The following IPPK variants were observed in gnomAD, a reference collection of about 807,000 sequenced individuals.
IPPK encodes inositol-pentakisphosphate 2-kinase, also known as IPK1 homolog.
In IPPK, 22 loss-of-function variants were observed where a neutral mutation model predicts 64.6. The observed-to-expected ratio is 0.34, with a 90% confidence interval of 0.24 to 0.49. The LOEUF is 0.49. Among genes scored for constraint, IPPK ranks in the 20% least tolerant of loss-of-function variants. The probability of loss-of-function intolerance (pLI) is 0.99; values close to 1 mark genes in which losing one functional copy is unlikely to be tolerated. For synonymous variants in IPPK, 262 were observed against 247.2 expected, an observed-to-expected ratio of 1.06 and a Z score of -0.56; for missense variants, 532 against 630.7, an observed-to-expected ratio of 0.84 and a Z score of 1.68.
rs1207504515 is a variant in IPPK at position 92,617,957 on chromosome 9, AATCT to A, written c.1250+1525_1250+1528del. 6.4e-5 allele frequency: 20 copies of A among 312,044 alleles called. No homozygotes were observed. The East Asian group carries it at 1.6e-3, about 25-fold the overall frequency. 19.3% of individuals were successfully genotyped at this position (312,044 alleles called of 1,614,324 possible). ...GGGTGTAAGAAGTTTAAATGTGGTC[AATCT>A]ATCTGTGAGCTGCAAATTAGTCTAG... On this transcript the variant is annotated intron_variant, in intron 12 of 12. Transcript: ENST00000287996.
chr9:92,618,490 A>G (rs753037112), intron 12 of IPPK: 3 of 456,554 alleles, frequency 6.6e-6, no homozygotes, highest in African/African-American at 4.0e-5. Flanking sequence ...GGCACCCTGC[A>G]TCCAAGCACA....
At chr9:92,620,398 C>T (rs1190674949) in intron 11 of IPPK, 1 of 152,288 alleles carries the variant, frequency 6.6e-6, no homozygotes, top group Admixed American at 6.5e-5. Flanking sequence ...ACAATGCTCA[C>T]AACTGTCTCC....
chr9:92,635,993 GGACCT>G lies in IPPK; in HGVS notation c.917-690_917-686del, dbSNP rs765364548. On this transcript the variant is annotated intron_variant, in intron 9 of 12. Transcript: ENST00000287996. This position sits in a 1 kb window ranked among gnomAD's most constrained non-coding sequence, Gnocchi z 4.4. Reference sequence around the variant, plus strand: ...AGACAGGGGTCAAAGCCACTGACAAGGACCTGTTATATCATAGGGACAGAGGCAGA... The same window carrying G: ...AGACAGGGGTCAAAGCCACTGACAAGGTTATATCATAGGGACAGAGGCAGA... Among the ~76,000 whole-genome samples, 9 of 152,244 alleles carry G rather than the reference GGACCT, an allele frequency of 5.9e-5. No individual in the cohort carries two copies. The highest frequency in any genetic ancestry group is 1.3e-4 in the Non-Finnish European group (9 of 68,020).
At chr9:92,636,336 A>C (rs546810257) in intron 9 of IPPK, among the ~76,000 whole-genome samples, 1 of 152,344 alleles carries the variant, frequency 6.6e-6, no homozygotes, top group South Asian at 2.1e-4. Context: ...TGGTCAATAA[A>C]GAACAAAATG....
intron 3 of IPPK, among the ~76,000 whole-genome samples, 165 bp downstream of exon 3, chr9:92,656,291 C>T (rs963557293): frequency 6.6e-6 from 1 of 152,204 alleles, no homozygotes; most frequent in Non-Finnish European, 1.5e-5. Context: ...GAAAGAGAAA[C>T]TGCAGTATCC....
At chr9:92,640,434 C>T (rs538558505) in intron 8 of IPPK, among the ~76,000 whole-genome samples, 1 of 152,260 alleles carries the variant, frequency 6.6e-6, no homozygotes, top group African/African-American at 2.4e-5. Context: ...CACCCAGCAA[C>T]TGGTGGGGCT....
chr9:92,632,950 C>G (rs947435247), intron 11 of IPPK, among the ~76,000 whole-genome samples: 1 of 152,154 alleles, frequency 6.6e-6, no homozygotes, highest in Non-Finnish European at 1.5e-5. Flanking sequence ...TTCCTCACTG[C>G]TTATTGTCCT....
At chr9:92,619,672 A>G (rs1851562264) in intron 11 of IPPK, 107 bp from the exon 12 acceptor site, 2 of 1,018,054 alleles carry the variant, frequency 2.0e-6, no homozygotes, top group Non-Finnish European at 3.0e-6. Flanking sequence ...CTGCCTCAGA[A>G]CCTGAGGGTG....
At position 92,648,109 on chromosome 9, in the gene IPPK, G is replaced by A. The variant is rs1852185944; in HGVS notation, c.454C>T (p.His152Tyr). ...CGACAGACCTTATGCTTCATCTCAT[G>A]CGTGACATCACTCGAGAAAGGAATA... ...GFIPFSSDVTHEMKHKVCRYC... is the reference protein window; with the variant it reads ...GFIPFSSDVTYEMKHKVCRYC... Residue 152 changes from histidine (H) to tyrosine (Y), a missense_variant, in exon 6 of 13, where the codon CAT (histidine) becomes TAT (tyrosine). By Grantham distance (83) the His-to-Tyr change is moderately conservative. Transcript: ENST00000287996. 2.5e-6 allele frequency: 4 copies of A among 1,613,750 alleles called. No homozygotes were observed. The highest frequency in any genetic ancestry group is 3.4e-6 in the Non-Finnish European group (4 of 1,179,820).
At chr9:92,658,492 G>C (rs1852417896) in intron 2 of IPPK, 142 bp downstream of exon 2, 1 of 738,448 alleles carries the variant, frequency 1.4e-6, no homozygotes, top group African/African-American at 1.7e-5. Flanking sequence ...TATCAGGAAT[G>C]ATGGACACAC....
chr9:92,645,867 G>T (rs1341568425), intron 6 of IPPK, among the ~76,000 whole-genome samples: 1 of 151,928 alleles, frequency 6.6e-6, no homozygotes, highest in African/African-American at 2.4e-5. Flanking sequence ...ACTAAAGGGA[G>T]TCCTTTTGGC....
At chr9:92,656,328 T>A (rs1246912306) in intron 3 of IPPK, 128 bp downstream of exon 3, 2 of 656,012 alleles carry the variant, frequency 3.0e-6, no homozygotes, top group Non-Finnish European at 5.6e-6. Context: ...GCACAGCAAA[T>A]GAGAAACACT....
intron 6 of IPPK, among the ~76,000 whole-genome samples, chr9:92,647,847 C>A (rs1358396570): frequency 6.6e-6 from 1 of 152,150 alleles, no homozygotes; most frequent in Non-Finnish European, 1.5e-5. Flanking sequence ...AGTATGATTG[C>A]ATCACTGCAC....
At chr9:92,620,802 C>T (rs1003222364) in intron 11 of IPPK, among the ~76,000 whole-genome samples, 1 of 152,182 alleles carries the variant, frequency 6.6e-6, no homozygotes, top group Non-Finnish European at 1.5e-5. Context: ...TATCCTTACA[C>T]TCTATTCAGT....
intron 1 of IPPK, among the ~76,000 whole-genome samples, chr9:92,660,645 C>A (rs577634563): frequency 6.6e-6 from 1 of 152,302 alleles, no homozygotes; most frequent in East Asian, 1.9e-4. Flanking sequence ...GTTCAGTGGG[C>A]CCATGAACAG....
At chr9:92,662,356 T>C (rs906167781) in intron 1 of IPPK, among the ~76,000 whole-genome samples, 30 of 151,824 alleles carry the variant, frequency 2.0e-4, no homozygotes, top group African/African-American at 6.8e-4. Context: ...AGAAAACCTG[T>C]CTCTACTAAA....
intron 8 of IPPK, 81 bp from the exon 9 acceptor site, chr9:92,638,361 C>G (rs1851985023): frequency 8.7e-6 from 13 of 1,500,242 alleles, no homozygotes; most frequent in Non-Finnish European, 1.2e-5. Flanking sequence ...CACCAGCATC[C>G]CAGGCAGCGG....
In IPPK at chr9:92,615,636, C is replaced by A. The variant is rs1159581152; in HGVS notation, c.*196G>T. ...GTGAGCAGCTTCCTGGGACACAGCA[C>A]TCACTTCCTACATTCCTTGTCCAGG... On this transcript the variant is annotated 3_prime_UTR_variant, in exon 13 of 13. Transcript: ENST00000287996. The A allele has an allele frequency of 3.5e-6, 2 of 565,798 alleles. No homozygotes were observed. Among genetic ancestry groups the A allele is most frequent in the Admixed American group, 6.1e-5 (2 of 32,612 alleles). The allele number at this position is 565,798 out of a possible 1,614,324, so 35.0% of individuals were successfully genotyped here.
chr9:92,665,408 A>G (rs1471999664), intron 1 of IPPK, among the ~76,000 whole-genome samples: 15 of 152,248 alleles, frequency 9.9e-5, no homozygotes, highest in Admixed American at 9.8e-4. Flanking sequence ...ACCTGTTCTA[A>G]GTGATTCTGT....
Sources: gnomAD v4.1 joint callset for allele counts (sites outside exome capture counted in the v4.1 genomes callset) on GRCh38, gnomAD v4.1.1 for gene constraint, Gnocchi (gnomAD v3.1) non-coding constraint, MANE v1.5 for transcripts, NCBI Gene and HGNC (gene_info 2026-07-23, HGNC 2026-07-21) for gene names.